Variants in CCNL2 observed in about 807,000 individuals in gnomAD.
CCNL2 encodes the protein cyclin L2, also known as cyclin-L2.
Under a neutral mutation model 59.1 loss-of-function variants are expected in CCNL2, and 28 were observed. The ratio of observed to expected loss-of-function variants is 0.47; its 90% CI spans 0.35 to 0.65. The LOEUF (loss-of-function observed/expected upper bound fraction) is 0.65. Among genes scored for constraint, CCNL2 ranks in the 30% least tolerant of loss-of-function variants. The probability of loss-of-function intolerance (pLI) is 0.00; values close to 1 mark genes in which losing one functional copy is unlikely to be tolerated. For synonymous variants in CCNL2, 342 were observed against 288.6 expected (o/e 1.19, Z -1.88); for missense variants, 714 against 717.4 (o/e 1.00, Z 0.05).
intron 2 of CCNL2, 117 bp downstream of exon 2, chr1:1,398,480 C>A: frequency 1.3e-6 from 2 of 1,573,802 alleles, no homozygotes; most frequent in Non-Finnish European, 8.6e-7. Flanking sequence ...CAGAACCCTC[C>A]GGCACAGAGC....
chr1:1,398,403 G>A (rs1645169039), intron 2 of CCNL2, 61 bp from the exon 3 acceptor site: 1 of 1,610,266 alleles, frequency 6.2e-7, no homozygotes, highest in Non-Finnish European at 8.5e-7. Flanking sequence ...CCTGACGGCC[G>A]CCAAAGGCTT....
In CCNL2 at chr1:1,385,923, G is replaced by GA. The variant is rs1335707762; in HGVS notation, c.*1307_*1308insT. ...CTCCTCAGTTCCCCAATTCTGAGGG[G>GA]GGGTCCCACCAGCTATCTAATGCAG... On this transcript the variant is annotated 3_prime_UTR_variant, in exon 11 of 11. Coordinates refer to ENST00000400809, the MANE Select transcript of CCNL2 (RefSeq NM_030937.6). 1 of 151,730 alleles carries GA rather than the reference G, an allele frequency of 6.6e-6. No homozygotes were observed. Among genetic ancestry groups the GA allele is most frequent in the Non-Finnish European group, 1.5e-5 (1 of 67,872 alleles). 9.4% of individuals were successfully genotyped at this position (151,730 alleles called of 1,614,324 possible).
At chr1:1,388,347 C>G in intron 8 of CCNL2, 1 of 425,370 alleles carries the variant, frequency 2.4e-6, no homozygotes, top group Non-Finnish European at 4.4e-6. Flanking sequence ...ATGGTGAAAC[C>G]CCATCTCTAC....
At chr1:1,388,678 C>A in intron 8 of CCNL2, 1 of 400,430 alleles carries the variant, frequency 2.5e-6, no homozygotes, top group African/African-American at 2.4e-5. Flanking sequence ...GGCTGAGGCA[C>A]AAGAATCACC....
In CCNL2 at chr1:1,387,960, A is replaced by G; in HGVS notation, c.1112T>C (p.Val371Ala). Residue 371 changes from valine (V) to alanine (A), a missense_variant, in exon 9 of 11, where the codon GTG becomes GCG. Physicochemically the swap from Val to Ala is moderately conservative, Grantham distance 64. Transcript: ENST00000400809. The part of the protein sequence containing the change: ...GAKKAKADSP[V>A]NGLPKGRESR... ...GGCAGCCCTGGGGTCCTACCCGTTC[A>G]CGGGGCTGTCCGCCTTGGCTTTCTT... 6.2e-7 allele frequency: 1 copy of G among 1,614,010 alleles called. No individual in the cohort carries two copies. Among genetic ancestry groups the G allele is most frequent in the Non-Finnish European group, 8.5e-7 (1 of 1,179,990 alleles).
At chr1:1,393,301 G>C (rs1644845944) in intron 5 of CCNL2, 95 bp downstream of exon 5, 3 of 990,342 alleles carry the variant, frequency 3.0e-6, no homozygotes, top group Admixed American at 1.8e-5. Context: ...CCACAACCAA[G>C]TCACTGGGCT....
At chr1:1,392,461 C>T (rs1644812129) in intron 5 of CCNL2, 1 of 1,213,794 alleles carries the variant, frequency 8.2e-7, no homozygotes, top group African/African-American at 1.6e-5. Context: ...GCCAATTTGT[C>T]TCTTCAATTC....
rs539006374 is a variant in CCNL2, at chr1:1,387,798, C to A, written c.1190G>T (p.Arg397Leu). 1 of 1,612,880 alleles carries A rather than the reference C, an allele frequency of 6.2e-7. No homozygotes were observed. The highest frequency in any genetic ancestry group is 1.7e-5 in the Admixed American group (1 of 59,920). ...ACACCTCCTCTTAGGAGACGCTGAT[C>A]GGGATGGGGACCTCGAGTAGCTCTG... ...REQSYSRSPS[R>L]SASPKRRKSD... Residue 397 changes from arginine to leucine, a missense_variant, in exon 10 of 11, where the codon CGA becomes CTA. By Grantham distance (102) the Arg-to-Leu change is moderately radical. This residue lies in a region of CCNL2 where 403 missense variants were observed against 377.7 expected (regional missense o/e 1.07). Transcript: ENST00000400809.
chr1:1,388,999 C>T (rs889718174), intron 8 of CCNL2: 9 of 224,376 alleles, frequency 4.0e-5, no homozygotes, highest in Admixed American at 5.6e-5. Context: ...CGCTTGAACC[C>T]GGGAGGCAGA....
In CCNL2 at chr1:1,399,110, G is replaced by A. The variant is rs1392445982; in HGVS notation, c.197C>T (p.Ser66Leu). The change falls in exon 1 of 11, where the codon TCG (serine) becomes TTG (leucine). Residue 66 changes from serine to leucine, a missense_variant. Ser to Leu is a moderately radical substitution (Grantham distance 145, BLOSUM62 -2). This residue lies in a region of CCNL2 where 270 missense variants were observed against 254.9 expected (regional missense o/e 1.06). Transcript: ENST00000400809. ...CTCTGTGTCGGTGTCGAGGCCGCTC[G>A]ACATGGACGGCGTGAAACGGAGCTT... ...DDKLRFTPSM[S>L]SGLDTDTETD... 6.2e-7 allele frequency: 1 copy of A among 1,611,914 alleles called. No individual in the cohort carries two copies. Among genetic ancestry groups the A allele is most frequent in the Non-Finnish European group, 8.5e-7 (1 of 1,179,446 alleles).
At position 1,395,389 on chromosome 1, in the gene CCNL2, C is replaced by T. The variant is rs778043804; in HGVS notation, c.594+5G>A. On this transcript the variant is annotated splice_donor_5th_base_variant and intron_variant, in intron 4 of 10. Coordinates refer to ENST00000400809, the MANE Select transcript of CCNL2 (RefSeq NM_030937.6). Reference sequence around the variant, plus strand: ...GGGCTCGCAGGGCAGGAGCCGCACACCCACCTTATGAGGATGCTTCACATG... The same window carrying T: ...GGGCTCGCAGGGCAGGAGCCGCACATCCACCTTATGAGGATGCTTCACATG... The T allele has an allele frequency of 6.2e-7, 1 of 1,614,080 alleles. No homozygotes were observed. Among genetic ancestry groups the T allele is most frequent in the Non-Finnish European group, 8.5e-7 (1 of 1,179,968 alleles).
At position 1,398,581 on chromosome 1, in the gene CCNL2, C is replaced by T. The variant is rs1483695852; in HGVS notation, c.363+16G>A. ...AACATACTTCGCTGGGAATGAAGTG[C>T]AGGAGGAAGCCTTACCTCCATGGAG... is the stretch of plus-strand genomic sequence containing the variant. On this transcript the variant is annotated intron_variant, in intron 2 of 10. Coordinates refer to ENST00000400809, the MANE Select transcript of CCNL2 (RefSeq NM_030937.6). The T allele has an allele frequency of 9.9e-6, 16 of 1,610,816 alleles. No individual in the cohort carries two copies. The highest frequency in any genetic ancestry group is 1.3e-5 in the Non-Finnish European group (15 of 1,177,190).
intron 5 of CCNL2, 88 bp downstream of exon 5, chr1:1,393,308 G>C: frequency 9.5e-7 from 1 of 1,049,234 alleles, no homozygotes; most frequent in Non-Finnish European, 1.5e-6. Flanking sequence ...CAAGTCACTG[G>C]GCTGCCTACC....
chr1:1,390,516 A>T lies in CCNL2; in HGVS notation c.807T>A (p.Thr269=). ...RPHWFLLFGA[T]EEEIQEICLK... is the part of the protein sequence containing the mutation. ...AGCAGATTTCCTGAATTTCTTCTTC[A>T]GTTGCTCCAAACAAAAGAAACCAAT... The change falls in exon 7 of 11, where the codon ACT becomes ACA. Residue 269 remains threonine, a synonymous_variant. Coordinates refer to ENST00000400809, the MANE Select transcript of CCNL2 (RefSeq NM_030937.6). The T allele has an allele frequency of 6.2e-7, 1 of 1,613,958 alleles. No homozygotes were observed. Among genetic ancestry groups the T allele is most frequent in the East Asian group, 2.2e-5 (1 of 44,894 alleles).
At chr1:1,391,858 A>G in intron 5 of CCNL2, 1 of 287,752 alleles carries the variant, frequency 3.5e-6, no homozygotes, top group South Asian at 3.0e-5. Context: ...TTCCATGAGG[A>G]CAGTTGAACT....
At position 1,398,661 on chromosome 1, in the gene CCNL2, G is replaced by T. The variant is rs751015175; in HGVS notation, c.299C>A (p.Ala100Asp). The T allele has an allele frequency of 6.2e-7, 1 of 1,613,444 alleles. No homozygotes were observed. The highest frequency in any genetic ancestry group is 1.1e-5 in the South Asian group (1 of 91,058). Residue 100 changes from alanine (A) to aspartate (D), a missense_variant, in exon 2 of 11, where the codon GCT (alanine) becomes GAT (aspartate). This residue lies in a region of CCNL2 where 270 missense variants were observed against 254.9 expected (regional missense o/e 1.06). Coordinates refer to ENST00000400809, the MANE Select transcript of CCNL2 (RefSeq NM_030937.6). ...CCGCTGGAACAACACCTGCCCGGTA[G>T]CCATGGCCACCTAGAGTAGAAGAAA... ...ILLRLPQVAM[A>D]TGQVLFQRFF... is the part of the protein sequence containing the mutation.
intron 3 of CCNL2, 32 bp downstream of exon 3, chr1:1,398,201 T>C (rs748692165): frequency 6.2e-7 from 1 of 1,602,172 alleles, no homozygotes; most frequent in South Asian, 1.1e-5. Context: ...AATAGGCATC[T>C]ATGATAGACT....
intron 5 of CCNL2, chr1:1,392,660 G>A (rs1385153377): frequency 2.6e-6 from 4 of 1,511,786 alleles, no homozygotes; most frequent in Non-Finnish European, 3.5e-6. Flanking sequence ...AGTCGGCCAT[G>A]GCTATGCTAT....
At chr1:1,390,137 C>G in intron 8 of CCNL2, 93 bp downstream of exon 8, 56 of 979,256 alleles carry the variant, frequency 5.7e-5, no homozygotes, top group South Asian at 7.4e-5. Flanking sequence ...AAAAAAATGT[C>G]TGGAAGGAGC....
Sources: gnomAD v4.1 joint callset for allele counts on GRCh38, gnomAD v4.1.1 for gene constraint, gnomAD v4.1.1 regional missense constraint, MANE v1.5 for transcripts, NCBI Gene and HGNC (gene_info 2026-07-23, HGNC 2026-07-21) for gene names.